The following SLC38A8 variants were observed in gnomAD, a reference collection of about 807,000 sequenced individuals.
The protein encoded by SLC38A8 is solute carrier family 38 member 8.
A neutral mutation model predicts 46.0 loss-of-function variants in SLC38A8; 65 were observed. The observed-to-expected ratio is 1.41, with a 90% confidence interval of 1.16 to 1.74. The LOEUF (loss-of-function observed/expected upper bound fraction) is 1.74. Among genes scored for constraint, SLC38A8 ranks in the 40% most tolerant of loss-of-function variants. The pLI is 0.00. For synonymous variants in SLC38A8, 447 were observed against 243.7 expected (o/e 1.83, Z -7.77); for missense variants, 998 against 567.9 (o/e 1.76, Z -7.70).
intron 10 of SLC38A8, among the ~76,000 whole-genome samples, chr16:84,012,374 T>C (rs999111595): frequency 2.0e-5 from 3 of 152,170 alleles, no homozygotes; most frequent in African/African-American, 4.8e-5. Context: ...CGGGGATAAA[T>C]ATTTGTCAAA....
At position 84,042,102 on chromosome 16, in the gene SLC38A8, G is replaced by T; in HGVS notation, c.56C>A (p.Thr19Lys). ...RGLPEKPHPA[T>K]AAATLSSMGA... ...CATCGAGGACAGAGTGGCAGCAGCC[G>T]TGGCAGGGTGAGGCTTTTCTGGAAG... Residue 19 changes from threonine (T) to lysine (K), a missense_variant, in exon 2 of 11, where the codon ACG becomes AAG. Transcript: ENST00000299709. 1 of 1,613,948 alleles carries T rather than the reference G, an allele frequency of 6.2e-7. No individual in the cohort carries two copies. Among genetic ancestry groups the T allele is most frequent in the Non-Finnish European group, 8.5e-7 (1 of 1,179,972 alleles).
At chr16:84,030,382 A>G (rs1042719469) in intron 5 of SLC38A8, among the ~76,000 whole-genome samples, 1 of 152,040 alleles carries the variant, frequency 6.6e-6, no homozygotes, top group Non-Finnish European at 1.5e-5. Flanking sequence ...TGCCTGTGCT[A>G]GAGTACCACC....
rs372806651 is a variant in SLC38A8, at chr16:84,017,132, G to C, written c.953+8C>G. On this transcript the variant is annotated splice_region_variant and intron_variant, in intron 8 of 10. Coordinates refer to ENST00000299709, the MANE Select transcript of SLC38A8 (RefSeq NM_001080442.3). ...CTTCACGGTGCCCCCCACTGAGCCAGGCCTCACCTCCCCAGGAAGAGCACG... is the reference window on the plus strand; with the variant it reads ...CTTCACGGTGCCCCCCACTGAGCCACGCCTCACCTCCCCAGGAAGAGCACG... 2.9e-5 allele frequency: 47 copies of C among 1,613,774 alleles called. No homozygotes were observed. In the African/African-American group the frequency reaches 4.5e-4, roughly 16 times the overall value.
At chr16:84,018,223 C>CTTT (rs796178053) in intron 7 of SLC38A8, among the ~76,000 whole-genome samples, 1,250 of 79,948 alleles carry the variant, frequency 0.016, 156 homozygotes, top group East Asian at 0.061. Context: ...GCCCTCATTC[C>CTTT]TTTTTTTTTT....
At chr16:84,030,070 G>C (rs929386338) in intron 5 of SLC38A8, among the ~76,000 whole-genome samples, 2 of 152,202 alleles carry the variant, frequency 1.3e-5, no homozygotes, top group African/African-American at 2.4e-5. Flanking sequence ...GTAAGATGAA[G>C]TCATGGTGGA....
chr16:84,023,430 C>A (rs538256208), intron 6 of SLC38A8, among the ~76,000 whole-genome samples: 1 of 152,064 alleles, frequency 6.6e-6, no homozygotes, highest in Non-Finnish European at 1.5e-5. Flanking sequence ...TTCAGTGTTC[C>A]GTTTTCTTAA....
In SLC38A8 at chr16:84,036,909, A is replaced by C. The variant is rs1876960; in HGVS notation, c.190-9T>G. On this transcript the variant is annotated splice_polypyrimidine_tract_variant and intron_variant, in intron 2 of 10. Coordinates refer to ENST00000299709, the MANE Select transcript of SLC38A8 (RefSeq NM_001080442.3). Reference sequence around the variant, plus strand: ...AGGAAGACCAACGAGACCTGCGGAGAAGGAGCAGGACCTGGAACTGGGGTG... The same window carrying C: ...AGGAAGACCAACGAGACCTGCGGAGCAGGAGCAGGACCTGGAACTGGGGTG... 0.34 allele frequency: 539,000 copies of C among 1,597,752 alleles called. 94,473 individuals are homozygous for C. The highest frequency in any genetic ancestry group is 0.57 in the East Asian group (25,212 of 44,358).
At chr16:84,012,170 C>T (rs957768655) in intron 10 of SLC38A8, among the ~76,000 whole-genome samples, 11 of 152,220 alleles carry the variant, frequency 7.2e-5, no homozygotes, top group Non-Finnish European at 1.5e-4. Flanking sequence ...ACTAATACAT[C>T]ATCTCTTTAC....
intron 3 of SLC38A8, 138 bp downstream of exon 3, chr16:84,036,564 G>T: frequency 1.0e-6 from 1 of 955,158 alleles, no homozygotes; most frequent in Non-Finnish European, 1.6e-6. Flanking sequence ...TACCATGTTA[G>T]GAACAAGAGT....
At chr16:84,022,011 T>G (rs2085101610) in intron 7 of SLC38A8, among the ~76,000 whole-genome samples, 1 of 152,200 alleles carries the variant, frequency 6.6e-6, no homozygotes. Flanking sequence ...CATGAATAGA[T>G]TAATCCATTC....
intron 2 of SLC38A8, 137 bp from the exon 3 acceptor site, chr16:84,037,037 G>C (rs1026679409): frequency 2.1e-5 from 18 of 843,956 alleles, no homozygotes; most frequent in African/African-American, 1.4e-4. Context: ...GGGGTTGGCA[G>C]TCTACCAGCT....
rs139594798 is a variant in SLC38A8 at position 84,023,431 on chromosome 16, G to A, written c.691-542C>T. Among the ~76,000 whole-genome samples the A allele has an allele frequency of 3.4e-3, 523 of 152,154 alleles. 1 individual carries two copies. Among genetic ancestry groups the A allele is most frequent in the African/African-American group, 0.011 (461 of 41,516 alleles). Reference sequence around the variant, plus strand: ...TTGCTAAGAATCCTTTCAGTGTTCCGTTTTCTTAAGATTTTGAGCGTTATT... The same window carrying A: ...TTGCTAAGAATCCTTTCAGTGTTCCATTTTCTTAAGATTTTGAGCGTTATT... On this transcript the variant is annotated intron_variant, in intron 6 of 10. Coordinates refer to ENST00000299709, the MANE Select transcript of SLC38A8 (RefSeq NM_001080442.3).
Position 84,042,350 on chromosome 16 carries a change from C to T in SLC38A8, c.-2-191G>A, listed in dbSNP as rs889529300. On this transcript the variant is annotated intron_variant, in intron 1 of 10. Transcript: ENST00000299709. ...CCCACGACTTCTAGTCCCCCTTCGT[C>T]TCCCATTCCCTACCCACATTATTCT... Among the ~76,000 whole-genome samples the T allele has an allele frequency of 2.0e-5, 3 of 152,164 alleles. No individual in the cohort carries two copies. The East Asian group carries it at 5.8e-4, about 29-fold the overall frequency.
intron 4 of SLC38A8, 42 bp downstream of exon 4, chr16:84,033,286 A>G: frequency 1.9e-6 from 3 of 1,613,354 alleles, no homozygotes; most frequent in Non-Finnish European, 2.5e-6. Context: ...ACAAACACTC[A>G]GCAAGGTGGG....
At chr16:84,038,330 T>C (rs1224687331) in intron 2 of SLC38A8, among the ~76,000 whole-genome samples, 5 of 151,168 alleles carry the variant, frequency 3.3e-5, no homozygotes, top group Non-Finnish European at 7.4e-5. Context: ...AAAATTCAGA[T>C]GTACAGGAAA....
At chr16:84,037,997 C>A (rs975786884) in intron 2 of SLC38A8, among the ~76,000 whole-genome samples, 5 of 151,922 alleles carry the variant, frequency 3.3e-5, no homozygotes, top group African/African-American at 4.8e-5. Flanking sequence ...ATTTTTAAAT[C>A]TTTTTCCAAA....
chr16:84,029,550 G>A lies in SLC38A8; in HGVS notation c.634C>T (p.Pro212Ser). The A allele has an allele frequency of 1.9e-6, 3 of 1,614,090 alleles. No individual in the cohort carries two copies. The highest frequency in any genetic ancestry group is 2.7e-5 in the African/African-American group (2 of 75,048). The change falls in exon 6 of 11, where the codon CCT becomes TCT. Residue 212 changes from proline to serine, a missense_variant and splice_region_variant. Physicochemically the swap from Pro to Ser is moderately conservative, Grantham distance 74. Coordinates refer to ENST00000299709, the MANE Select transcript of SLC38A8 (RefSeq NM_001080442.3). Reference protein sequence around the residue: ...LVRESHPSLSPASWTSVFSVF... With the variant: ...LVRESHPSLSSASWTSVFSVF... ...CTGAACACAGAGGTCCAGGAGGCAG[G>A]GCTGTAAACAGACAAGAACAGGAGT...
Position 84,017,293 on chromosome 16 carries a change from G to T in SLC38A8, c.806-6C>A, listed in dbSNP as rs796508872. On this transcript the variant is annotated splice_polypyrimidine_tract_variant and splice_region_variant and intron_variant, in intron 7 of 10. Transcript: ENST00000299709. ...AGTCAGGAAGCCATAAACCCCTGAA[G>T]GTGGGAAAGGATGGAAGCCACAGAG... is the stretch of plus-strand genomic sequence containing the variant. The T allele has an allele frequency of 6.2e-7, 1 of 1,613,770 alleles. No homozygotes were observed. The highest frequency in any genetic ancestry group is 1.7e-5 in the Admixed American group (1 of 59,984).
At chr16:84,018,441 G>A (rs147838856) in intron 7 of SLC38A8, among the ~76,000 whole-genome samples, 1 of 151,868 alleles carries the variant, frequency 6.6e-6, no homozygotes, top group Non-Finnish European at 1.5e-5. Flanking sequence ...GGATGGTCTC[G>A]ATCTCCTGAC....
Sources: allele counts gnomAD v4.1 joint callset (sites outside exome capture counted in the v4.1 genomes callset), GRCh38; gene constraint gnomAD v4.1.1; transcripts MANE v1.5; gene names NCBI Gene and HGNC (gene_info 2026-07-23, HGNC 2026-07-21).